The following COL12A1 variants were observed in gnomAD, a reference collection of about 807,000 sequenced individuals.
COL12A1 encodes collagen type XII alpha 1 chain, also known as collagen alpha-1(XII) chain.
COL12A1 carries 114 observed loss-of-function variants against 349.7 expected under a neutral mutation model. The ratio of observed to expected loss-of-function variants is 0.33; its 90% CI spans 0.28 to 0.38. COL12A1 has a LOEUF of 0.38. Among genes scored for constraint, COL12A1 ranks in the 10% least tolerant of loss-of-function variants. The pLI, the probability that COL12A1 is intolerant of heterozygous loss-of-function variation, is 1.00. For synonymous variants in COL12A1, 1,369 were observed against 1,329.0 expected (o/e 1.03, Z -0.66); for missense variants, 3,284 against 3,756.9 (o/e 0.87, Z 3.29).
At chr6:75,112,318 G>A (rs558957027) in intron 51 of COL12A1, among the ~76,000 whole-genome samples, 10 of 151,810 alleles carry the variant, frequency 6.6e-5, no homozygotes, top group South Asian at 2.1e-4. Flanking sequence ...CCCATTACAC[G>A]TTTACCCATG....
intron 46 of COL12A1, among the ~76,000 whole-genome samples, chr6:75,118,351 G>A (rs547226920): frequency 1.3e-5 from 2 of 152,260 alleles, no homozygotes; most frequent in East Asian, 3.9e-4. Context: ...AATCATGCAT[G>A]TACAGATGAC....
intron 14 of COL12A1, among the ~76,000 whole-genome samples, chr6:75,164,488 G>C (rs1768181805): frequency 6.6e-6 from 1 of 152,146 alleles, no homozygotes; most frequent in African/African-American, 2.4e-5. Flanking sequence ...AAGGATTAAA[G>C]TTTTCTCCTA....
intron 14 of COL12A1, 144 bp from the exon 15 acceptor site, chr6:75,156,667 T>C: frequency 1.2e-6 from 1 of 826,910 alleles, no homozygotes; most frequent in Non-Finnish European, 1.8e-6. Flanking sequence ...CTCTCATAAA[T>C]TCATGATGGC....
At chr6:75,179,329 G>A (rs1769139515) in intron 11 of COL12A1, among the ~76,000 whole-genome samples, 1 of 152,116 alleles carries the variant, frequency 6.6e-6, no homozygotes, top group Admixed American at 6.5e-5. Flanking sequence ...GTCCTCTCTT[G>A]AGACAGATTT....
At chr6:75,087,895 C>A in intron 64 of COL12A1, 148 bp from the exon 65 acceptor site, 1 of 804,582 alleles carries the variant, frequency 1.2e-6, no homozygotes, top group South Asian at 1.9e-5. Flanking sequence ...AAGAAATACC[C>A]AATATGAACC....
At chr6:75,133,225 C>T (rs936518327) in intron 34 of COL12A1, 68 bp downstream of exon 34, 2 of 1,385,422 alleles carry the variant, frequency 1.4e-6, no homozygotes, top group Non-Finnish European at 1.9e-6. Flanking sequence ...TTTAATGGGC[C>T]TTTATGGTCT....
chr6:75,124,405 T>A (rs1273688449), intron 40 of COL12A1, 34 bp from the exon 41 acceptor site: 1 of 1,477,916 alleles, frequency 6.8e-7, no homozygotes, highest in African/African-American at 1.4e-5. Context: ...ATTTACTTTG[T>A]AAATTGAGGC....
intron 52 of COL12A1, 119 bp downstream of exon 52, chr6:75,108,899 T>C (rs894580036): frequency 1.8e-5 from 19 of 1,079,852 alleles, no homozygotes; most frequent in African/African-American, 1.5e-4. Context: ...ACCAAGAAAT[T>C]TGACAACTTA....
Position 75,084,720 on chromosome 6 carries a change from G to A in COL12A1, c.*1827C>T, listed in dbSNP as rs1767397348. On this transcript the variant is annotated 3_prime_UTR_variant, in exon 66 of 66. Transcript: ENST00000322507. ...CCCGGCGTATAACAGAGATAGAAGA[G>A]GAAGATAAGTAATTGCAATGGAGTT... 1 of 156,788 alleles carries A rather than the reference G, an allele frequency of 6.4e-6. No individual in the cohort carries two copies. Among genetic ancestry groups the A allele is most frequent in the Non-Finnish European group, 1.4e-5 (1 of 70,366 alleles). 9.7% of individuals were successfully genotyped at this position (156,788 alleles called of 1,614,324 possible).
At chr6:75,146,370 A>G in intron 23 of COL12A1, 126 bp from the exon 24 acceptor site, 1 of 1,074,170 alleles carries the variant, frequency 9.3e-7, no homozygotes, top group East Asian at 3.0e-5. Context: ...AGAAATCAAT[A>G]AGAGTTAATA....
intron 22 of COL12A1, among the ~76,000 whole-genome samples, chr6:75,148,038 TG>T (rs1767290650): frequency 1.3e-5 from 2 of 152,184 alleles, no homozygotes; most frequent in African/African-American, 4.8e-5. Flanking sequence ...TCATCTTCAA[TG>T]TTCCTTGCTA....
intron 10 of COL12A1, among the ~76,000 whole-genome samples, chr6:75,182,399 G>C (rs991824795): frequency 6.8e-6 from 1 of 146,308 alleles, no homozygotes; most frequent in Non-Finnish European, 1.5e-5. Flanking sequence ...GTGTGATGCC[G>C]CCACCCCTGT....
chr6:75,127,258 A>C (rs1252598705), intron 38 of COL12A1, among the ~76,000 whole-genome samples: 1 of 152,176 alleles, frequency 6.6e-6, no homozygotes, highest in Non-Finnish European at 1.5e-5. Context: ...TGAGGTTGTT[A>C]AAATCATCTT....
At chr6:75,190,098 C>T (rs962323793) in intron 5 of COL12A1, among the ~76,000 whole-genome samples, 2 of 151,992 alleles carry the variant, frequency 1.3e-5, no homozygotes, top group East Asian at 3.9e-4. Context: ...ATCTGCTCTC[C>T]GGGAGCATAA....
intron 16 of COL12A1, among the ~76,000 whole-genome samples, chr6:75,155,247 G>A (rs1255293684): frequency 6.6e-6 from 1 of 152,052 alleles, no homozygotes; most frequent in African/African-American, 2.4e-5. Context: ...GCACACTGGA[G>A]GGGGATTCAC....
chr6:75,101,902 C>A, intron 57 of COL12A1, 97 bp downstream of exon 57: 1 of 1,331,932 alleles, frequency 7.5e-7, no homozygotes, highest in Non-Finnish European at 1.1e-6. Flanking sequence ...CATATCCAGG[C>A]TTCTGCTTTG....
Position 75,145,345 on chromosome 6 carries a change from G to A in COL12A1, c.4671C>T (p.Val1557=), listed in dbSNP as rs1767122370. 4 of 1,611,400 alleles carry A rather than the reference G, an allele frequency of 2.5e-6. No homozygotes were observed. Among genetic ancestry groups the A allele is most frequent in the African/African-American group, 2.7e-5 (2 of 75,014 alleles). The part of the protein sequence containing the change: ...AVLHDLTSEP[V]TVREVTLPLP... ...GCTTACAGGTGACTTCCCGAACAGT[G>A]ACAGGTTCACTAGTGAGGTCGTGCA... Residue 1557 remains valine (V), a synonymous_variant, in exon 25 of 66, where the codon GTC becomes GTT. Coordinates refer to ENST00000322507, the MANE Select transcript of COL12A1 (RefSeq NM_004370.6).
intron 53 of COL12A1, among the ~76,000 whole-genome samples, chr6:75,105,917 C>T (rs1374669962): frequency 6.6e-6 from 1 of 152,106 alleles, no homozygotes; most frequent in Non-Finnish European, 1.5e-5. Flanking sequence ...ATAAATAATG[C>T]ACACTCTTCC....
At chr6:75,156,577 T>C in intron 14 of COL12A1, 54 bp from the exon 15 acceptor site, 1 of 1,519,082 alleles carries the variant, frequency 6.6e-7, no homozygotes, top group Non-Finnish European at 9.0e-7. Flanking sequence ...AAAATGTATG[T>C]CCACCTCTTC....
Sources: gnomAD v4.1 joint callset for allele counts (sites outside exome capture counted in the v4.1 genomes callset) on GRCh38, gnomAD v4.1.1 for gene constraint, MANE v1.5 for transcripts, NCBI Gene and HGNC (gene_info 2026-07-23, HGNC 2026-07-21) for gene names.